COL19A1: variants seen among roughly 807,000 people sequenced by gnomAD.
The protein encoded by COL19A1 is collagen type XIX alpha 1 chain.
COL19A1 carries 159 observed loss-of-function variants against 190.2 expected under a neutral mutation model. That is an observed-to-expected ratio of 0.84 (90% CI 0.73 to 0.95). COL19A1 has a LOEUF of 0.95. Among genes scored for constraint, COL19A1 ranks in the 40% least tolerant of loss-of-function variants. The probability of loss-of-function intolerance (pLI) is 0.00; values close to 1 mark genes in which losing one functional copy is unlikely to be tolerated. For synonymous variants in COL19A1, 509 were observed against 458.9 expected (o/e 1.11, Z -1.39); for missense variants, 1,418 against 1,431.9 (o/e 0.99, Z 0.16).
In COL19A1 at chr6:70,207,291, C is replaced by CT; in HGVS notation, c.*19dup. 6.4e-7 allele frequency: 1 copy of CT among 1,569,730 alleles called. No individual in the cohort carries two copies. Among genetic ancestry groups the CT allele is most frequent in the Non-Finnish European group, 8.7e-7 (1 of 1,152,772 alleles). On this transcript the variant is annotated 3_prime_UTR_variant, in exon 51 of 51. Coordinates refer to ENST00000620364, the MANE Select transcript of COL19A1 (RefSeq NM_001858.6). Reference sequence around the variant, plus strand: ...GGGAATTGAACACACCTGAAGAAGACTTGGTTCCTGGTAACATTTCCTTGC... The same window carrying CT: ...GGGAATTGAACACACCTGAAGAAGACTTTGGTTCCTGGTAACATTTCCTTGC...
Position 70,146,838 on chromosome 6 carries a change from C to T in COL19A1, c.1842C>T (p.His614=), listed in dbSNP as rs373282018. Residue 614 remains histidine, a synonymous_variant, in exon 27 of 51, where the codon CAC becomes CAT. Coordinates refer to ENST00000620364, the MANE Select transcript of COL19A1 (RefSeq NM_001858.6). ...PKGERGLPGV[H]GSPGDIGPQG... The stretch of plus-strand genomic sequence containing the variant: ...GTGAAAGAGGACTTCCAGGTGTTCA[C>T]GGTTCCCCAGGGGACATAGGCCCAC... The T allele has an allele frequency of 1.5e-5, 24 of 1,596,712 alleles. No homozygotes were observed. Among genetic ancestry groups the T allele is most frequent in the African/African-American group, 5.4e-5 (4 of 74,102 alleles).
At chr6:70,085,355 T>C (rs559816462) in intron 15 of COL19A1, among the ~76,000 whole-genome samples, 1 of 152,306 alleles carries the variant, frequency 6.6e-6, no homozygotes, top group African/African-American at 2.4e-5. Flanking sequence ...ATCTGCTAAA[T>C]GGAGCTCTGT....
intron 17 of COL19A1, among the ~76,000 whole-genome samples, chr6:70,123,381 A>G (rs2150213989): frequency 6.6e-6 from 1 of 152,064 alleles, no homozygotes; most frequent in South Asian, 2.1e-4. Context: ...TAGTTCAACC[A>G]TTGTGGAAGT....
intron 9 of COL19A1, among the ~76,000 whole-genome samples, chr6:69,955,709 T>C (rs1003065176): frequency 3.9e-5 from 6 of 151,904 alleles, no homozygotes; most frequent in Non-Finnish European, 7.4e-5. Context: ...ACAGGGACCA[T>C]AGTATTAAGA....
Position 70,149,868 on chromosome 6 carries a change from T to C in COL19A1, c.1947T>C (p.Pro649=). Residue 649 remains proline (P), a synonymous_variant, in exon 29 of 51, where the codon CCT becomes CCC. Transcript: ENST00000620364. ...EPGIQGPRGL[P]GLPGTPGTPG... is the part of the protein sequence containing the mutation. Reference sequence around the variant, plus strand: ...TTTTCCAGGGTCCTCGAGGTCTCCCTGGGTTGCCAGGAACTCCAGGGACTC... The same window carrying C: ...TTTTCCAGGGTCCTCGAGGTCTCCCCGGGTTGCCAGGAACTCCAGGGACTC... 2 of 1,613,764 alleles carry C rather than the reference T, an allele frequency of 1.2e-6. No individual in the cohort carries two copies. Among genetic ancestry groups the C allele is most frequent in the Non-Finnish European group, 1.7e-6 (2 of 1,179,790 alleles).
intron 11 of COL19A1, among the ~76,000 whole-genome samples, chr6:69,983,702 C>A (rs1776169064): frequency 6.6e-6 from 1 of 152,010 alleles, no homozygotes. Flanking sequence ...TTTTCCACAT[C>A]TGATGAGATG....
chr6:70,175,559 G>T (rs764588812), intron 41 of COL19A1, among the ~76,000 whole-genome samples: 4 of 151,904 alleles, frequency 2.6e-5, no homozygotes, highest in Non-Finnish European at 4.4e-5. Flanking sequence ...ATAAATGCCG[G>T]TCTGTTTCTG....
At chr6:70,016,403 CA>C (rs1442867310) in intron 11 of COL19A1, among the ~76,000 whole-genome samples, 2 of 60,902 alleles carry the variant, frequency 3.3e-5, no homozygotes, top group African/African-American at 1.7e-4. Context: ...AAAAAAAAAA[CA>C]AAACAAAACA....
chr6:70,094,693 G>C (rs185885940), intron 15 of COL19A1, among the ~76,000 whole-genome samples: 2 of 152,108 alleles, frequency 1.3e-5, no homozygotes, highest in Non-Finnish European at 2.9e-5. Flanking sequence ...TAAGATACAC[G>C]TTCTCTGACA....
chr6:70,125,555 C>T (rs756626339), intron 17 of COL19A1, among the ~76,000 whole-genome samples: 2 of 150,204 alleles, frequency 1.3e-5, no homozygotes, highest in Non-Finnish European at 3.0e-5. Flanking sequence ...TCTCTCCTCA[C>T]AGCACAAATC....
At chr6:70,088,085 G>A (rs976749370) in intron 15 of COL19A1, among the ~76,000 whole-genome samples, 2 of 152,146 alleles carry the variant, frequency 1.3e-5, no homozygotes, top group African/African-American at 4.8e-5. Flanking sequence ...CTTCTGCACA[G>A]AAGAATGGGT....
rs182666737 is a variant in COL19A1, at chr6:70,084,313, G to C, written c.1224+15837G>C. 7.9e-5 allele frequency among the ~76,000 whole-genome samples: 12 copies of C among 152,248 alleles called. No individual in the cohort carries two copies. The South Asian group carries it at 1.2e-3, about 16-fold the overall frequency. The stretch of plus-strand genomic sequence containing the variant: ...AGATTTAAAGAAGTTAATATGACTT[G>C]TTCAGAGTCACAAAGCCAGAAATTG... On this transcript the variant is annotated intron_variant, in intron 15 of 50. Transcript: ENST00000620364.
Position 69,936,924 on chromosome 6 carries a change from A to C in COL19A1, c.873+14A>C, listed in dbSNP as rs763932167. Reference sequence around the variant, plus strand: ...ATTCCAAACAAGGTATGCTAGTTTTAATTGGTGCACACTGAAAGCCACTCC... The same window carrying C: ...ATTCCAAACAAGGTATGCTAGTTTTCATTGGTGCACACTGAAAGCCACTCC... On this transcript the variant is annotated intron_variant, in intron 8 of 50. Transcript: ENST00000620364. The C allele has an allele frequency of 6.2e-7, 1 of 1,612,148 alleles. No homozygotes were observed. The highest frequency in any genetic ancestry group is 2.2e-5 in the East Asian group (1 of 44,860).
chr6:70,052,098 T>A (rs1780238658), intron 14 of COL19A1, among the ~76,000 whole-genome samples: 1 of 152,056 alleles, frequency 6.6e-6, no homozygotes. Context: ...ACAAGGACAT[T>A]TTTTAGAAAA....
rs185844885 is a variant in COL19A1, at chr6:70,131,664, C to T, written c.1383+1441C>T. Among the ~76,000 whole-genome samples the T allele has an allele frequency of 2.9e-3, 437 of 151,554 alleles. 8 individuals carry two copies. Among genetic ancestry groups the T allele is most frequent in the Non-Finnish European group, 1.1e-3 (75 of 67,948 alleles). On this transcript the variant is annotated intron_variant, in intron 18 of 50. Transcript: ENST00000620364. The stretch of plus-strand genomic sequence containing the variant: ...GCAATGACTTCTGGACATATGCAGG[C>T]TAAGGGGAAAAAAAAGGAAAAGAAA...
intron 14 of COL19A1, among the ~76,000 whole-genome samples, chr6:70,046,331 G>A (rs962383278): frequency 6.6e-6 from 1 of 151,370 alleles, no homozygotes; most frequent in Non-Finnish European, 1.5e-5. Flanking sequence ...AATGTTCCTT[G>A]TCACTCTTCT....
rs570053069 is a variant in COL19A1 at position 70,123,750 on chromosome 6, T to C, written c.1341+1808T>C. On this transcript the variant is annotated intron_variant, in intron 17 of 50. Transcript: ENST00000620364. ...ACATATTCTCACTCATAGGTGGGAATTGAACAATGAGAACAACACATGGAC... is the reference window on the plus strand; with the variant it reads ...ACATATTCTCACTCATAGGTGGGAACTGAACAATGAGAACAACACATGGAC... Among the ~76,000 whole-genome samples the C allele has an allele frequency of 6.2e-5, 9 of 146,064 alleles. No homozygotes were observed. In the East Asian group the frequency reaches 1.4e-3, roughly 23 times the overall value.
intron 12 of COL19A1, among the ~76,000 whole-genome samples, chr6:70,032,913 T>C (rs1468031285): frequency 6.6e-6 from 1 of 152,180 alleles, no homozygotes; most frequent in Non-Finnish European, 1.5e-5. Flanking sequence ...AGTTCTACTC[T>C]GGAAACATGT....
chr6:70,060,964 A>G (rs1780794771), intron 14 of COL19A1, among the ~76,000 whole-genome samples: 1 of 152,062 alleles, frequency 6.6e-6, no homozygotes, highest in South Asian at 2.1e-4. Flanking sequence ...CCTTTACAAA[A>G]CCAGAATAAG....
Sources: gnomAD v4.1 joint callset for allele counts (sites outside exome capture counted in the v4.1 genomes callset) on GRCh38, gnomAD v4.1.1 for gene constraint, MANE v1.5 for transcripts, NCBI Gene and HGNC (gene_info 2026-07-23, HGNC 2026-07-21) for gene names.